CCNB3: variants seen among roughly 807,000 people sequenced by gnomAD.
CCNB3 encodes the protein cyclin B3.
Under a neutral mutation model 68.0 loss-of-function variants are expected in CCNB3, and 12 were observed. That is an observed-to-expected ratio of 0.18 (90% CI 0.11 to 0.29). CCNB3 has a LOEUF of 0.29. Among genes scored for constraint, CCNB3 ranks in the 10% least tolerant of loss-of-function variants. CCNB3 has a pLI of 1.00. For missense variants in CCNB3, 904 were observed against 993.1 expected, an observed-to-expected ratio of 0.91 and a Z score of 1.21; for synonymous variants, 354 against 388.9, an observed-to-expected ratio of 0.91 and a Z score of 1.06.
At chrX:50,342,713 A>G (rs1923201652) in intron 9 of CCNB3, among the ~76,000 whole-genome samples, 1 of 111,209 alleles carries the variant, frequency 9.0e-6, no homozygotes, top group Non-Finnish European at 1.9e-5. Context: ...TTGTTTTATT[A>G]TTATTTTATT....
At chrX:50,306,562 A>G (rs1921085909) in intron 5 of CCNB3, among the ~76,000 whole-genome samples, 1 of 112,000 alleles carries the variant, frequency 8.9e-6, no homozygotes, top group South Asian at 3.7e-4. Flanking sequence ...TTAGGGGGAA[A>G]GTATCAGTCT....
intron 5 of CCNB3, among the ~76,000 whole-genome samples, chrX:50,305,408 A>G (rs969576061): frequency 1.3e-4 from 15 of 111,598 alleles, no homozygotes; most frequent in African/African-American, 4.2e-4. Context: ...CGCAAGGACA[A>G]GAAACCAAAC....
intron 9 of CCNB3, among the ~76,000 whole-genome samples, chrX:50,343,806 A>G (rs1923258686): frequency 8.9e-6 from 1 of 112,814 alleles, no homozygotes; most frequent in African/African-American, 3.2e-5. Context: ...TTAAGCTGTT[A>G]TTACAAAAGA....
chrX:50,226,271 A>C (rs1362535223), intron 1 of CCNB3, among the ~76,000 whole-genome samples: 9 of 66,327 alleles, frequency 1.4e-4, no homozygotes, highest in African/African-American at 6.0e-4. Context: ...TATATATAGA[A>C]TATATATATT....
At chrX:50,290,569 G>A (rs1392407008) in intron 4 of CCNB3, among the ~76,000 whole-genome samples, 3 of 112,073 alleles carry the variant, frequency 2.7e-5, no homozygotes, top group Non-Finnish European at 5.6e-5. Flanking sequence ...GTATCACAGC[G>A]CATGAGAAAC....
rs782511098 is a variant in CCNB3 at position 50,288,527 on chromosome X, T to C, written c.97-253T>C. Among the ~76,000 whole-genome samples, 95 of 111,419 alleles carry C rather than the reference T, an allele frequency of 8.5e-4. 1 individual carries two copies. Among genetic ancestry groups the C allele is most frequent in the African/African-American group, 2.8e-3 (87 of 30,681 alleles). On this transcript the variant is annotated intron_variant, in intron 3 of 12. Transcript: ENST00000376042. ...CTTTACTGAGCTACACTTTGCTCAT[T>C]TTGTGAGTTACACTGAAGGTCATCT...
chrX:50,341,765 T>C (rs947202977), intron 8 of CCNB3: 12 of 123,995 alleles, frequency 9.7e-5, no homozygotes, highest in Admixed American at 4.7e-4. Context: ...CCAATTGATA[T>C]ATTCTGATAG....
At chrX:50,307,578 G>A (rs1260382497) in intron 5 of CCNB3, among the ~76,000 whole-genome samples, 2 of 110,098 alleles carry the variant, frequency 1.8e-5, no homozygotes, top group African/African-American at 6.6e-5. Context: ...TCTATTCCTG[G>A]ATTTGTACAG....
intron 1 of CCNB3, among the ~76,000 whole-genome samples, chrX:50,279,857 A>G (rs1694229647): frequency 1.1e-5 from 1 of 87,845 alleles, no homozygotes; most frequent in African/African-American, 4.3e-5. Context: ...TATAAAATAT[A>G]TATACTATAT....
intron 5 of CCNB3, among the ~76,000 whole-genome samples, chrX:50,306,134 A>G (rs1921061807): frequency 9.1e-6 from 1 of 110,012 alleles, no homozygotes; most frequent in Admixed American, 9.8e-5. Context: ...ATGGATGTCT[A>G]TCTATTTAGA....
intron 8 of CCNB3, among the ~76,000 whole-genome samples, chrX:50,333,147 A>G (rs1271991236): frequency 1.8e-5 from 2 of 111,438 alleles, no homozygotes; most frequent in East Asian, 5.7e-4. Flanking sequence ...GTAGCTTCCA[A>G]GTGATTTCTA....
rs1220948710 is a variant in CCNB3, at chrX:50,210,659, A to G, written c.-113+5709A>G. Among the ~76,000 whole-genome samples, 3 of 111,372 alleles carry G rather than the reference A, an allele frequency of 2.7e-5. No homozygotes were observed. In the East Asian group the frequency reaches 8.5e-4, roughly 31 times the overall value. ...TTTCAGTTATCTATCAAGGAGGCAGATATGGGGTACTGGTCATGTTTGTTC... is the reference window on the plus strand; with the variant it reads ...TTTCAGTTATCTATCAAGGAGGCAGGTATGGGGTACTGGTCATGTTTGTTC... On this transcript the variant is annotated intron_variant, in intron 1 of 12. Coordinates refer to ENST00000376042, the MANE Select transcript of CCNB3 (RefSeq NM_033031.3).
intron 8 of CCNB3, 41 bp downstream of exon 8, chrX:50,313,989 T>G (rs1361139163): frequency 3.8e-6 from 4 of 1,044,379 alleles, no homozygotes; most frequent in Non-Finnish European, 5.4e-6. Context: ...TGCTGTTCTC[T>G]TTCTCATTCA....
chrX:50,342,737 C>T (rs1270619239), intron 9 of CCNB3, among the ~76,000 whole-genome samples: 3 of 111,513 alleles, frequency 2.7e-5, no homozygotes, highest in Admixed American at 9.5e-5. Context: ...GACAAGGTCT[C>T]GCTCTGTTGC....
chrX:50,329,979 A>G (rs1922512206), intron 8 of CCNB3, among the ~76,000 whole-genome samples: 2 of 111,835 alleles, frequency 1.8e-5, no homozygotes, highest in South Asian at 7.5e-4. Context: ...ACTTCCACAG[A>G]TCCCTAGAGC....
At chrX:50,323,086 T>G (rs1922110852) in intron 8 of CCNB3, among the ~76,000 whole-genome samples, 1 of 112,031 alleles carries the variant, frequency 8.9e-6, no homozygotes, top group African/African-American at 3.2e-5. Flanking sequence ...CCCAAAGGAT[T>G]AGAAATCATG....
At chrX:50,222,093 G>GA (rs2146987415) in intron 1 of CCNB3, among the ~76,000 whole-genome samples, 1 of 110,439 alleles carries the variant, frequency 9.1e-6, no homozygotes, top group South Asian at 3.9e-4. Context: ...TGCAACCCCT[G>GA]CTTTTTTTGC....
At chrX:50,215,541 C>A (rs1411797613) in intron 1 of CCNB3, among the ~76,000 whole-genome samples, 1 of 109,290 alleles carries the variant, frequency 9.1e-6, no homozygotes, top group Non-Finnish European at 1.9e-5. Context: ...TTCCTCTATA[C>A]CCTTGCTGAT....
intron 1 of CCNB3, among the ~76,000 whole-genome samples, chrX:50,205,731 G>T (rs540612168): frequency 9.0e-6 from 1 of 110,837 alleles, no homozygotes; most frequent in African/African-American, 3.3e-5. Flanking sequence ...TGAGGCAGGC[G>T]GATCACGAGG....
Sources: gnomAD v4.1 joint callset for allele counts (sites outside exome capture counted in the v4.1 genomes callset) on GRCh38, gnomAD v4.1.1 for gene constraint, MANE v1.5 for transcripts, NCBI Gene and HGNC (gene_info 2026-07-23, HGNC 2026-07-21) for gene names.